FSTL4: variants seen among roughly 807,000 people sequenced by gnomAD.
The protein encoded by FSTL4 is follistatin like 4.
A neutral mutation model predicts 78.2 loss-of-function variants in FSTL4; 28 were observed. The ratio of observed to expected loss-of-function variants is 0.36; its 90% CI spans 0.27 to 0.49. The LOEUF is 0.49. Ranked by LOEUF, FSTL4 falls within the 20% of genes least tolerant of loss-of-function variation. The pLI is 0.98. For missense variants in FSTL4, 922 were observed against 1,084.9 expected (o/e 0.85, Z 2.11); for synonymous variants, 422 against 440.5 (o/e 0.96, Z 0.53).
chr5:133,627,912 T>C, the FSTL4 span, among the ~76,000 whole-genome samples: 1 of 152,044 alleles, frequency 6.6e-6, no homozygotes, highest in Non-Finnish European at 1.5e-5. Flanking sequence ...ATCTGTAGTG[T>C]TTTTGAGTAT....
intron 4 of FSTL4, among the ~76,000 whole-genome samples, chr5:133,377,896 A>G (rs1755475972): frequency 6.7e-6 from 1 of 148,524 alleles, no homozygotes. Flanking sequence ...AGCAGCAACA[A>G]TTTTTTTTTT....
At chr5:133,518,913 AC>A (rs1223949581) in intron 3 of FSTL4, among the ~76,000 whole-genome samples, 1 of 152,004 alleles carries the variant, frequency 6.6e-6, no homozygotes, top group South Asian at 2.1e-4. Flanking sequence ...TTATTCCCTG[AC>A]CCCCCATGGA....
chr5:133,706,181 T>C, the FSTL4 span, among the ~76,000 whole-genome samples: 2 of 152,336 alleles, frequency 1.3e-5, no homozygotes, highest in African/African-American at 4.8e-5. Context: ...ACCCTATCTG[T>C]TAATTACGGG....
At chr5:133,515,762 T>C (rs1386896447) in intron 3 of FSTL4, among the ~76,000 whole-genome samples, 2 of 151,890 alleles carry the variant, frequency 1.3e-5, no homozygotes, top group East Asian at 1.9e-4. Context: ...GAACATAGTA[T>C]GCACTCAAGA....
intron 6 of FSTL4, among the ~76,000 whole-genome samples, chr5:133,287,256 C>T (rs972344093): frequency 6.6e-5 from 10 of 152,018 alleles, no homozygotes; most frequent in South Asian, 2.1e-4. Flanking sequence ...GGTGTGGTGG[C>T]GGGCGCCTGT....
chr5:133,211,273 C>G (rs1053192992), intron 13 of FSTL4, among the ~76,000 whole-genome samples: 1 of 152,198 alleles, frequency 6.6e-6, no homozygotes, highest in African/African-American at 2.4e-5. Flanking sequence ...AATGCTCATG[C>G]CACTAGACTA....
At chr5:133,321,821 T>G (rs1295084455) in intron 4 of FSTL4, among the ~76,000 whole-genome samples, 1 of 152,224 alleles carries the variant, frequency 6.6e-6, no homozygotes, top group Non-Finnish European at 1.5e-5. Flanking sequence ...GCATATAACC[T>G]TGACGTCCAT....
chr5:133,206,148 T>C (rs1328361546), intron 14 of FSTL4, among the ~76,000 whole-genome samples: 1 of 151,552 alleles, frequency 6.6e-6, no homozygotes, highest in Non-Finnish European at 1.5e-5. Flanking sequence ...CTTGGGATAG[T>C]TCAAGTAAAA....
At chr5:133,552,134 C>G (rs1262541368) in intron 3 of FSTL4, among the ~76,000 whole-genome samples, 2 of 152,174 alleles carry the variant, frequency 1.3e-5, no homozygotes, top group Non-Finnish European at 2.9e-5. Context: ...CCCACCTTCC[C>G]TCCTGCCCTC....
chr5:133,660,810 A>G, the FSTL4 span, among the ~76,000 whole-genome samples: 1 of 152,182 alleles, frequency 6.6e-6, no homozygotes, highest in Non-Finnish European at 1.5e-5. Flanking sequence ...CTGTTAAGAA[A>G]TCTTTGAAGG....
intron 6 of FSTL4, among the ~76,000 whole-genome samples, chr5:133,252,829 A>C (rs1042044914): frequency 6.6e-6 from 1 of 152,178 alleles, no homozygotes; most frequent in African/African-American, 2.4e-5. Context: ...TCCAAGTGGG[A>C]GACGGAAGTC....
chr5:133,213,479 C>T (rs1419444728), intron 13 of FSTL4, among the ~76,000 whole-genome samples: 2 of 152,056 alleles, frequency 1.3e-5, no homozygotes, highest in Non-Finnish European at 2.9e-5. Flanking sequence ...AAATTCATTA[C>T]CACAACAATG....
chr5:133,534,825 C>T (rs246779), intron 3 of FSTL4, among the ~76,000 whole-genome samples: 58,679 of 151,924 alleles, frequency 0.39, 11,496 homozygotes, highest in African/African-American at 0.41. Context: ...AATCTCTTCA[C>T]TCCCAGCTTC....
At chr5:133,656,679 G>C in the FSTL4 span, among the ~76,000 whole-genome samples, 1 of 152,146 alleles carries the variant, frequency 6.6e-6, no homozygotes, top group East Asian at 1.9e-4. Context: ...GTTGAGAATG[G>C]CATTAGAGGC....
intron 4 of FSTL4, among the ~76,000 whole-genome samples, chr5:133,392,955 G>C (rs749604958): frequency 1.3e-5 from 2 of 152,188 alleles, no homozygotes; most frequent in Non-Finnish European, 2.9e-5. Context: ...CACCACACAT[G>C]CCGAACTGAT....
chr5:133,741,557 C>A, the FSTL4 span, among the ~76,000 whole-genome samples: 1 of 152,180 alleles, frequency 6.6e-6, no homozygotes, highest in Non-Finnish European at 1.5e-5. Flanking sequence ...GGAATGGGAG[C>A]GGGGGCAAGA....
chr5:133,760,802 T>C, the FSTL4 span, among the ~76,000 whole-genome samples: 1 of 152,190 alleles, frequency 6.6e-6, no homozygotes, highest in Non-Finnish European at 1.5e-5. Flanking sequence ...TCTCAAAATA[T>C]GATTCAGCCC....
chr5:133,540,686 C>T (rs1580776601), intron 3 of FSTL4, among the ~76,000 whole-genome samples: 1 of 137,662 alleles, frequency 7.3e-6, no homozygotes, highest in African/African-American at 2.8e-5. Flanking sequence ...GTTTGTCCTC[C>T]AGCTCACCTC....
At chr5:133,227,385 C>A (rs1054735992) in intron 8 of FSTL4, among the ~76,000 whole-genome samples, 2 of 152,034 alleles carry the variant, frequency 1.3e-5, no homozygotes, top group Admixed American at 1.3e-4. Context: ...CCGTTTGATC[C>A]AAAGAGGAAA....
Sources: gnomAD v4.1 joint callset for allele counts (sites outside exome capture counted in the v4.1 genomes callset) on GRCh38, gnomAD v4.1.1 for gene constraint, MANE v1.5 for transcripts, NCBI Gene and HGNC (gene_info 2026-07-23, HGNC 2026-07-21) for gene names.